GPC5: variants seen among roughly 807,000 people sequenced by gnomAD.
GPC5 encodes the protein glypican-5.
In GPC5, 47 loss-of-function variants were observed where a neutral mutation model predicts 53.9. The observed-to-expected ratio is 0.87, with a 90% CI of 0.69 to 1.11. The LOEUF (loss-of-function observed/expected upper bound fraction) is 1.11. Ranked by LOEUF, GPC5 falls within the 50% of genes most tolerant of loss-of-function variation. The probability of loss-of-function intolerance (pLI) is 0.00; values close to 1 mark genes in which losing one functional copy is unlikely to be tolerated. For synonymous variants in GPC5, 286 were observed against 263.3 expected, an observed-to-expected ratio of 1.09 and a Z score of -0.84; for missense variants, 748 against 713.1, an observed-to-expected ratio of 1.05 and a Z score of -0.56.
chr13:92,250,109 T>C (rs1370674203), intron 7 of GPC5, among the ~76,000 whole-genome samples: 1 of 152,060 alleles, frequency 6.6e-6, no homozygotes, highest in Non-Finnish European at 1.5e-5. Context: ...TGAATTGTGG[T>C]ACAGCTCCAT....
intron 1 of GPC5, among the ~76,000 whole-genome samples, chr13:91,403,886 T>A (rs1377800416): frequency 6.6e-6 from 1 of 151,620 alleles, no homozygotes; most frequent in Non-Finnish European, 1.5e-5. Flanking sequence ...TAATTATAAC[T>A]ATTGCTGTCA....
intron 7 of GPC5, among the ~76,000 whole-genome samples, chr13:92,323,162 A>G (rs955101311): frequency 6.6e-6 from 1 of 151,524 alleles, no homozygotes; most frequent in South Asian, 2.1e-4. Context: ...CACAGTTTCA[A>G]TATCAACTTC....
rs1450396449 is a variant in GPC5, at chr13:91,398,871, G to T, written c.-176G>T. On this transcript the variant is annotated 5_prime_UTR_variant, in exon 1 of 8. Coordinates refer to ENST00000377067, the MANE Select transcript of GPC5 (RefSeq NM_004466.6). Reference sequence around the variant, plus strand: ...GGTGTCTCAGCTTAGGGCCTCCTCCGGGAAGAGCTAACTGCTCCCAGGTGA... The same window carrying T: ...GGTGTCTCAGCTTAGGGCCTCCTCCTGGAAGAGCTAACTGCTCCCAGGTGA... 1 of 670,810 alleles carries T rather than the reference G, an allele frequency of 1.5e-6. No homozygotes were observed. Among genetic ancestry groups the T allele is most frequent in the Non-Finnish European group, 2.4e-6 (1 of 416,588 alleles). The allele number at this position is 670,810 out of a possible 1,614,324, so 41.6% of individuals were successfully genotyped here.
intron 7 of GPC5, among the ~76,000 whole-genome samples, chr13:92,782,068 G>A (rs1227487129): frequency 6.7e-6 from 1 of 149,720 alleles, no homozygotes; most frequent in Admixed American, 6.7e-5. Flanking sequence ...TGAAGGGGAA[G>A]GGAACGGGAA....
Position 91,693,873 on chromosome 13 carries a change from T to C in GPC5, c.1012T>C (p.Leu338=). ...LQAHLNGQKL[L]EQVNRICGRP... The stretch of plus-strand genomic sequence containing the variant: ...GGCTCACCTCAATGGACAAAAATTA[T>C]TGGAACAGGTAAGTAGGAGCTCCAC... Residue 338 remains leucine (L), a synonymous_variant, in exon 3 of 8, where the codon TTG becomes CTG. Transcript: ENST00000377067. 6.3e-7 allele frequency: 1 copy of C among 1,590,228 alleles called. No homozygotes were observed. The highest frequency in any genetic ancestry group is 8.6e-7 in the Non-Finnish European group (1 of 1,168,330).
At chr13:92,329,734 T>C (rs2043275928) in intron 7 of GPC5, among the ~76,000 whole-genome samples, 1 of 151,678 alleles carries the variant, frequency 6.6e-6, no homozygotes. Flanking sequence ...AAACATGGAG[T>C]TTTTCAATGG....
intron 7 of GPC5, among the ~76,000 whole-genome samples, chr13:92,318,376 G>A (rs1180607504): frequency 6.6e-6 from 1 of 152,104 alleles, no homozygotes; most frequent in African/African-American, 2.4e-5. Flanking sequence ...TATGGAATAA[G>A]GGAGAAATGT....
At chr13:92,700,383 A>ATTCT (rs1356181038) in intron 7 of GPC5, among the ~76,000 whole-genome samples, 4 of 148,208 alleles carry the variant, frequency 2.7e-5, no homozygotes, top group African/African-American at 1.0e-4. Context: ...ATGGGTCTTG[A>ATTCT]TTCTTTATTC....
chr13:92,231,138 G>C (rs962180977), intron 7 of GPC5, among the ~76,000 whole-genome samples: 1 of 152,098 alleles, frequency 6.6e-6, no homozygotes, highest in Non-Finnish European at 1.5e-5. Context: ...GAGGCTACCA[G>C]GTAAGTCATG....
chr13:92,756,298 T>C (rs1047002083), intron 7 of GPC5, among the ~76,000 whole-genome samples: 1 of 152,064 alleles, frequency 6.6e-6, no homozygotes, highest in Non-Finnish European at 1.5e-5. Flanking sequence ...TGCTAAAAAC[T>C]CTCAATAAAT....
chr13:92,321,989 T>G (rs2043218936), intron 7 of GPC5, among the ~76,000 whole-genome samples: 2 of 152,298 alleles, frequency 1.3e-5, no homozygotes, highest in South Asian at 2.1e-4. Context: ...GAGCAATAAT[T>G]AAATGAATTT....
intron 2 of GPC5, among the ~76,000 whole-genome samples, chr13:91,623,714 C>A (rs2033926699): frequency 6.6e-6 from 1 of 152,050 alleles, no homozygotes; most frequent in African/African-American, 2.4e-5. Context: ...CCAACAATAC[C>A]AATCTGCTCT....
chr13:92,700,447 G>GTTAA (rs1887697254), intron 7 of GPC5, among the ~76,000 whole-genome samples: 1 of 151,900 alleles, frequency 6.6e-6, no homozygotes, highest in Non-Finnish European at 1.5e-5. Flanking sequence ...TACATTTAAG[G>GTTAA]TTAATAGTGT....
chr13:92,213,953 T>TTG (rs2042392671), intron 7 of GPC5, among the ~76,000 whole-genome samples: 1 of 152,228 alleles, frequency 6.6e-6, no homozygotes, highest in Non-Finnish European at 1.5e-5. Flanking sequence ...TTATTTCCAT[T>TTG]TAAAAAACAT....
chr13:92,772,364 G>C (rs898957606), intron 7 of GPC5, among the ~76,000 whole-genome samples: 1 of 152,122 alleles, frequency 6.6e-6, no homozygotes, highest in Non-Finnish European at 1.5e-5. Context: ...TACTCAGATT[G>C]TTCCACCCAG....
At chr13:91,731,629 T>C (rs997890859) in intron 4 of GPC5, among the ~76,000 whole-genome samples, 1 of 152,126 alleles carries the variant, frequency 6.6e-6, no homozygotes, top group Non-Finnish European at 1.5e-5. Context: ...ACCTGTCCTC[T>C]AGGTTTTAAG....
chr13:91,625,614 C>G (rs1346652780), intron 2 of GPC5, among the ~76,000 whole-genome samples: 1 of 151,968 alleles, frequency 6.6e-6, no homozygotes. Context: ...ATTTACACAG[C>G]CTTCACAATA....
chr13:91,568,161 C>T (rs1164218693), intron 2 of GPC5, among the ~76,000 whole-genome samples: 1 of 152,160 alleles, frequency 6.6e-6, no homozygotes, highest in Non-Finnish European at 1.5e-5. Context: ...TTATAAATTA[C>T]CCAGCCTCAG....
intron 7 of GPC5, among the ~76,000 whole-genome samples, chr13:92,208,297 G>A (rs1037294011): frequency 6.6e-5 from 10 of 152,128 alleles, no homozygotes; most frequent in African/African-American, 1.9e-4. Flanking sequence ...GCCCCATATG[G>A]GTATCCATTT....
Sources: allele counts gnomAD v4.1 joint callset (sites outside exome capture counted in the v4.1 genomes callset), GRCh38; gene constraint gnomAD v4.1.1; transcripts MANE v1.5; gene names NCBI Gene and HGNC (gene_info 2026-07-23, HGNC 2026-07-21).